Variants in WNT3A observed in about 807,000 individuals in gnomAD.
WNT3A encodes the protein protein Wnt-3a.
Under a neutral mutation model 37.0 loss-of-function variants are expected in WNT3A, and 17 were observed. The ratio of observed to expected loss-of-function variants is 0.46; its 90% CI spans 0.31 to 0.69. WNT3A has a LOEUF of 0.69. Ranked by LOEUF, WNT3A falls within the 30% of genes least tolerant of loss-of-function variation. The pLI is 0.05. For synonymous variants in WNT3A, 187 were observed against 211.0 expected (o/e 0.89, Z 0.99); for missense variants, 411 against 510.2 (o/e 0.81, Z 1.87).
At chr1:228,046,140 T>G (rs938539980) in intron 2 of WNT3A, among the ~76,000 whole-genome samples, 4 of 152,232 alleles carry the variant, frequency 2.6e-5, no homozygotes, top group African/African-American at 9.6e-5. Flanking sequence ...GAGTGCGGCC[T>G]GAGGCCAGGG....
chr1:228,023,804 G>T (rs1453161562), intron 2 of WNT3A, among the ~76,000 whole-genome samples: 1 of 152,174 alleles, frequency 6.6e-6, no homozygotes, highest in Non-Finnish European at 1.5e-5. Flanking sequence ...AAATCTGTGC[G>T]CATTAAGCAG....
At chr1:228,049,028 G>A (rs184087487) in intron 2 of WNT3A, among the ~76,000 whole-genome samples, 1 of 152,320 alleles carries the variant, frequency 6.6e-6, no homozygotes, top group Admixed American at 6.5e-5. Flanking sequence ...TGTGTACAAG[G>A]ACCCAGGCAG....
chr1:228,050,358 C>A lies in WNT3A; in HGVS notation c.314-298C>A, dbSNP rs1489092826. 6.6e-6 allele frequency among the ~76,000 whole-genome samples: 1 copy of A among 152,152 alleles called. No homozygotes were observed. The highest frequency in any genetic ancestry group is 1.9e-4 in the East Asian group (1 of 5,198). On this transcript the variant is annotated intron_variant, in intron 2 of 3. Coordinates refer to ENST00000284523, the MANE Select transcript of WNT3A (RefSeq NM_033131.4). This position sits in a 1 kb window ranked among gnomAD's most constrained non-coding sequence, Gnocchi z 5.0. ...CTTGTTAAAAAGAGCCTGGTACCAA[C>A]CTCCCCTCTCTCACTTCTGTCACCA...
rs547892247 is a variant in WNT3A at position 228,042,495 on chromosome 1, A to T, written c.314-8161A>T. On this transcript the variant is annotated intron_variant, in intron 2 of 3. Coordinates refer to ENST00000284523, the MANE Select transcript of WNT3A (RefSeq NM_033131.4). This position sits in a 1 kb window ranked among gnomAD's most constrained non-coding sequence, Gnocchi z 5.2. Reference sequence around the variant, plus strand: ...ATGGATGAATGGTGATGGATGGATTAGAGATGGACAGATGATGGGCAACAG... The same window carrying T: ...ATGGATGAATGGTGATGGATGGATTTGAGATGGACAGATGATGGGCAACAG... Among the ~76,000 whole-genome samples, 1 of 151,848 alleles carries T rather than the reference A, an allele frequency of 6.6e-6. No individual in the cohort carries two copies. Among genetic ancestry groups the T allele is most frequent in the African/African-American group, 2.4e-5 (1 of 41,430 alleles).
chr1:228,047,297 C>T (rs972612856), intron 2 of WNT3A, among the ~76,000 whole-genome samples: 1 of 152,210 alleles, frequency 6.6e-6, no homozygotes, highest in African/African-American at 2.4e-5. Context: ...ACAGAAAAGT[C>T]AACCAAAGCA....
chr1:228,025,811 C>T (rs2030839200), intron 2 of WNT3A, among the ~76,000 whole-genome samples: 2 of 152,152 alleles, frequency 1.3e-5, no homozygotes, highest in Admixed American at 1.3e-4. Context: ...GGCTCTGTCA[C>T]CTAGGCTGGA....
chr1:228,046,801 A>G (rs1431617701), intron 2 of WNT3A, among the ~76,000 whole-genome samples: 2 of 143,694 alleles, frequency 1.4e-5, no homozygotes, highest in African/African-American at 2.6e-5. Flanking sequence ...TGATGTGTGC[A>G]TGTGTGTGGT....
At chr1:228,051,003 G>A in intron 3 of WNT3A, 82 bp downstream of exon 3, 1 of 1,428,196 alleles carries the variant, frequency 7.0e-7, no homozygotes, top group Non-Finnish European at 9.2e-7. Context: ...GGGGCATATG[G>A]CCCGGTGAGG....
At chr1:228,056,824 A>G (rs1038408322) in intron 3 of WNT3A, among the ~76,000 whole-genome samples, 1 of 152,242 alleles carries the variant, frequency 6.6e-6, no homozygotes, top group African/African-American at 2.4e-5. Context: ...ATAGTACCAG[A>G]CTTTTCGGGA....
At chr1:228,055,025 T>C (rs2031642683) in intron 3 of WNT3A, among the ~76,000 whole-genome samples, 1 of 149,428 alleles carries the variant, frequency 6.7e-6, no homozygotes, top group South Asian at 2.1e-4. Context: ...TCCCAGCTAC[T>C]TGGGAGGCTG....
chr1:228,046,970 T>C (rs2031434533), intron 2 of WNT3A, among the ~76,000 whole-genome samples: 1 of 152,136 alleles, frequency 6.6e-6, no homozygotes, highest in Admixed American at 6.5e-5. Flanking sequence ...TGGGGCCTCC[T>C]AGGGGCCTCT....
At chr1:228,054,854 A>T (rs1267203732) in intron 3 of WNT3A, among the ~76,000 whole-genome samples, 2 of 150,776 alleles carry the variant, frequency 1.3e-5, no homozygotes, top group South Asian at 2.1e-4. Flanking sequence ...GAAACTAGAA[A>T]CTATAAAAAT....
intron 3 of WNT3A, among the ~76,000 whole-genome samples, chr1:228,053,309 G>A (rs2031598284): frequency 6.6e-6 from 1 of 152,318 alleles, no homozygotes; most frequent in African/African-American, 2.4e-5. Flanking sequence ...ACCCTGGCTT[G>A]CTACCTCACA....
intron 2 of WNT3A, among the ~76,000 whole-genome samples, chr1:228,029,923 G>C (rs2030958020): frequency 6.6e-6 from 1 of 151,872 alleles, no homozygotes; most frequent in Non-Finnish European, 1.5e-5. Flanking sequence ...AACATAGCAA[G>C]ACCCCATCTC....
rs1269783501 is a variant in WNT3A, at chr1:228,042,726, G to A, written c.314-7930G>A. On this transcript the variant is annotated intron_variant, in intron 2 of 3. Coordinates refer to ENST00000284523, the MANE Select transcript of WNT3A (RefSeq NM_033131.4). This position sits in a 1 kb window ranked among gnomAD's most constrained non-coding sequence, Gnocchi z 5.2. ...GTGGATGATGGATGATAGATGTATGGATAATGTATGGATATGGATGATGAA... is the reference window on the plus strand; with the variant it reads ...GTGGATGATGGATGATAGATGTATGAATAATGTATGGATATGGATGATGAA... Among the ~76,000 whole-genome samples, 1 of 151,494 alleles carries A rather than the reference G, an allele frequency of 6.6e-6. No individual in the cohort carries two copies. Among genetic ancestry groups the A allele is most frequent in the Non-Finnish European group, 1.5e-5 (1 of 67,864 alleles).
chr1:228,008,675 C>G lies in WNT3A; in HGVS notation c.71+1476C>G, dbSNP rs1005445253. ...GGGAGCCAGGGGCAGCGCGTCCGTCCGAGAGAGCCCCGAGGGCTGCCGGCT... is the reference window on the plus strand; with the variant it reads ...GGGAGCCAGGGGCAGCGCGTCCGTCGGAGAGAGCCCCGAGGGCTGCCGGCT... On this transcript the variant is annotated intron_variant, in intron 1 of 3. Coordinates refer to ENST00000284523, the MANE Select transcript of WNT3A (RefSeq NM_033131.4). The surrounding 1 kb of genome is among the most constrained non-coding windows in gnomAD (Gnocchi z 4.9). Among the ~76,000 whole-genome samples, 7 of 152,158 alleles carry G rather than the reference C, an allele frequency of 4.6e-5. No individual in the cohort carries two copies. The highest frequency in any genetic ancestry group is 7.4e-5 in the Non-Finnish European group (5 of 68,014).
rs748538274 is a variant in WNT3A at position 228,008,665 on chromosome 1, C to A, written c.71+1466C>A. On this transcript the variant is annotated intron_variant, in intron 1 of 3. Coordinates refer to ENST00000284523, the MANE Select transcript of WNT3A (RefSeq NM_033131.4). The surrounding 1 kb of genome is among the most constrained non-coding windows in gnomAD (Gnocchi z 4.9). Reference sequence around the variant, plus strand: ...GACGGCCGCAGGGAGCCAGGGGCAGCGCGTCCGTCCGAGAGAGCCCCGAGG... The same window carrying A: ...GACGGCCGCAGGGAGCCAGGGGCAGAGCGTCCGTCCGAGAGAGCCCCGAGG... Among the ~76,000 whole-genome samples, 4 of 152,176 alleles carry A rather than the reference C, an allele frequency of 2.6e-5. No individual in the cohort carries two copies. The highest frequency in any genetic ancestry group is 2.0e-4 in the Admixed American group (3 of 15,288).
In WNT3A at chr1:228,028,300, T is replaced by G. The variant is rs1315880646; in HGVS notation, c.313+5392T>G. On this transcript the variant is annotated intron_variant, in intron 2 of 3. Coordinates refer to ENST00000284523, the MANE Select transcript of WNT3A (RefSeq NM_033131.4). ...TTTTTTGGTTACATATAATTTTTTTTTTTTTTTTTTTTTGATGGAGTCTCA... is the reference window on the plus strand; with the variant it reads ...TTTTTTGGTTACATATAATTTTTTTGTTTTTTTTTTTTTGATGGAGTCTCA... 2.0e-5 allele frequency among the ~76,000 whole-genome samples: 3 copies of G among 148,906 alleles called. No individual in the cohort carries two copies. The East Asian group carries it at 5.8e-4, about 29-fold the overall frequency.
At chr1:228,010,461 C>T (rs1021990430) in intron 1 of WNT3A, among the ~76,000 whole-genome samples, 3 of 152,232 alleles carry the variant, frequency 2.0e-5, no homozygotes, top group Non-Finnish European at 4.4e-5. Context: ...CTCCTGCTTC[C>T]GTTCTCAGTC....
Sources: allele counts gnomAD v4.1 joint callset (sites outside exome capture counted in the v4.1 genomes callset), GRCh38; gene constraint gnomAD v4.1.1; non-coding constraint Gnocchi (gnomAD v3.1); transcripts MANE v1.5; gene names NCBI Gene and HGNC (gene_info 2026-07-23, HGNC 2026-07-21).